TSPAN7: variants seen among roughly 807,000 people sequenced by gnomAD.
The protein encoded by TSPAN7 is tetraspanin 7.
A neutral mutation model predicts 17.6 loss-of-function variants in TSPAN7; 1 was observed. The ratio of observed to expected loss-of-function variants is 0.06; its 90% CI spans 0.02 to 0.27. TSPAN7 has a LOEUF of 0.27. Ranked by LOEUF, TSPAN7 falls within the 10% of genes least tolerant of loss-of-function variation. The probability of loss-of-function intolerance (pLI) is 1.00; values close to 1 mark genes in which losing one functional copy is unlikely to be tolerated. For synonymous variants in TSPAN7, 78 were observed against 79.0 expected, an observed-to-expected ratio of 0.99 and a Z score of 0.07; for missense variants, 112 against 201.7, an observed-to-expected ratio of 0.56 and a Z score of 2.69.
intron 1 of TSPAN7, among the ~76,000 whole-genome samples, chrX:38,657,889 A>G (rs2069713570): frequency 8.9e-6 from 1 of 112,169 alleles, no homozygotes; most frequent in African/African-American, 3.2e-5. Flanking sequence ...AGCCATTTTC[A>G]TATTTTCAAA....
Position 38,674,284 on chromosome X carries a change from A to G in TSPAN7, c.409A>G (p.Arg137Gly), listed in dbSNP as rs745763721. The change falls in exon 4 of 8, where the codon AGG becomes GGG. Residue 137 changes from arginine (R) to glycine (G), a missense_variant. Transcript: ENST00000378482. ...AMQTYNGNDE[R>G]SRAVDHVQRS... ...GCAGACTTACAATGGCAATGATGAG[A>G]GGAGCCGGGCAGTGGACCATGTGCA... is the stretch of plus-strand genomic sequence containing the variant. 1.7e-6 allele frequency: 2 copies of G among 1,198,707 alleles called. No individual in the cohort carries two copies. The highest frequency in any genetic ancestry group is 4.5e-5 in the Admixed American group (2 of 44,549).
chrX:38,658,616 C>T (rs1474454067), intron 1 of TSPAN7, among the ~76,000 whole-genome samples: 1 of 111,835 alleles, frequency 8.9e-6, no homozygotes, highest in Non-Finnish European at 1.9e-5. Flanking sequence ...GCATTGTCCT[C>T]TCATGTTCTA....
At chrX:38,636,839 C>A (rs1343055602) in intron 1 of TSPAN7, among the ~76,000 whole-genome samples, 2 of 110,974 alleles carry the variant, frequency 1.8e-5, no homozygotes, top group African/African-American at 6.6e-5. Context: ...CCACTCCCAG[C>A]TGATTTTTGT....
chrX:38,599,871 C>G (rs2069336648), intron 1 of TSPAN7, among the ~76,000 whole-genome samples: 1 of 111,857 alleles, frequency 8.9e-6, no homozygotes, highest in African/African-American at 3.2e-5. Flanking sequence ...ACATTTCTCC[C>G]AATAGCACTC....
intron 3 of TSPAN7, among the ~76,000 whole-genome samples, chrX:38,672,423 C>G (rs1456838224): frequency 5.5e-5 from 6 of 110,074 alleles, no homozygotes; most frequent in African/African-American, 2.0e-4. Context: ...ACTGTATGCT[C>G]TCTGCTCCCC....
chrX:38,662,759 T>C (rs1258675207), intron 1 of TSPAN7, among the ~76,000 whole-genome samples: 1 of 109,364 alleles, frequency 9.1e-6, no homozygotes, highest in East Asian at 2.9e-4. Flanking sequence ...TCATCAGGAG[T>C]GTTTGAGTAT....
intron 1 of TSPAN7, among the ~76,000 whole-genome samples, chrX:38,616,974 A>G (rs1219577628): frequency 8.9e-6 from 1 of 111,840 alleles, no homozygotes; most frequent in Non-Finnish European, 1.9e-5. Flanking sequence ...TATTCCACTA[A>G]AGCAGGGGTT....
intron 5 of TSPAN7, among the ~76,000 whole-genome samples, chrX:38,679,381 T>A (rs755941521): frequency 8.9e-6 from 1 of 112,188 alleles, no homozygotes; most frequent in Non-Finnish European, 1.9e-5. Flanking sequence ...GATATAGTAA[T>A]GATGGCCAGC....
At chrX:38,665,051 T>G (rs1242110272) in intron 1 of TSPAN7, among the ~76,000 whole-genome samples, 1 of 112,344 alleles carries the variant, frequency 8.9e-6, no homozygotes, top group Non-Finnish European at 1.9e-5. Context: ...GTGTATTGAT[T>G]GACAAGGGAA....
intron 1 of TSPAN7, among the ~76,000 whole-genome samples, chrX:38,626,866 A>T (rs2069525667): frequency 9.0e-6 from 1 of 111,207 alleles, no homozygotes. Flanking sequence ...GTCTTGGTTG[A>T]ACTTACATGT....
At chrX:38,603,104 G>A (rs2069355233) in intron 1 of TSPAN7, among the ~76,000 whole-genome samples, 1 of 111,777 alleles carries the variant, frequency 8.9e-6, no homozygotes, top group South Asian at 3.7e-4. Context: ...ATTAAAAAAT[G>A]GGCAAAGAAT....
intron 1 of TSPAN7, among the ~76,000 whole-genome samples, chrX:38,578,532 A>G (rs1349448697): frequency 9.0e-6 from 1 of 111,443 alleles, no homozygotes; most frequent in Non-Finnish European, 1.9e-5. Flanking sequence ...TAGCCCTGGT[A>G]TACAGAGGTG....
At chrX:38,587,017 G>A (rs2069262048) in intron 1 of TSPAN7, among the ~76,000 whole-genome samples, 1 of 112,544 alleles carries the variant, frequency 8.9e-6, no homozygotes, top group Non-Finnish European at 1.9e-5. Flanking sequence ...TCAACTGGGG[G>A]TGGTTTTCCC....
chrX:38,649,378 AC>A (rs1463524173), intron 1 of TSPAN7, among the ~76,000 whole-genome samples: 1 of 112,284 alleles, frequency 8.9e-6, no homozygotes, highest in Non-Finnish European at 1.9e-5. Context: ...TTTAAGAGAG[AC>A]CTACTTTGAA....
Position 38,614,243 on chromosome X carries a change from T to G in TSPAN7, c.82-51878T>G, listed in dbSNP as rs558846457. Among the ~76,000 whole-genome samples the G allele has an allele frequency of 2.7e-5, 3 of 112,186 alleles. No homozygotes were observed. In the South Asian group the frequency reaches 1.1e-3, roughly 42 times the overall value. ...ATTGAATCCAGTACATTTTTGACTA[T>G]CCAAAGCCCAAGGCTTCTGACCATT... On this transcript the variant is annotated intron_variant, in intron 1 of 7. Coordinates refer to ENST00000378482, the MANE Select transcript of TSPAN7 (RefSeq NM_004615.4).
At chrX:38,671,292 G>A (rs2069819839) in intron 2 of TSPAN7, 84 bp from the exon 3 acceptor site, 29 of 949,420 alleles carry the variant, frequency 3.1e-5, no homozygotes, top group Admixed American at 2.2e-5. Context: ...TCTAATTCCC[G>A]CTGATTGAAA....
At chrX:38,662,194 G>A (rs1410609411) in intron 1 of TSPAN7, among the ~76,000 whole-genome samples, 1 of 111,380 alleles carries the variant, frequency 9.0e-6, no homozygotes, top group Non-Finnish European at 1.9e-5. Flanking sequence ...AGTCACCTAA[G>A]GGTATGCCGC....
chrX:38,590,109 A>ATTTTTTTTGTGAC (rs2069282765), intron 1 of TSPAN7, among the ~76,000 whole-genome samples: 1 of 111,392 alleles, frequency 9.0e-6, no homozygotes, highest in Non-Finnish European at 1.9e-5. Context: ...TTTGCTAAAA[A>ATTTTTTTTGTGAC]TTTTTTTTGT....
chrX:38,647,376 C>CA (rs1455249461), intron 1 of TSPAN7, among the ~76,000 whole-genome samples: 1 of 112,140 alleles, frequency 8.9e-6, no homozygotes, highest in Non-Finnish European at 1.9e-5. Flanking sequence ...CTCGGCCTCC[C>CA]AAAGTCCTGG....
Sources: gnomAD v4.1 joint callset for allele counts (sites outside exome capture counted in the v4.1 genomes callset) on GRCh38, gnomAD v4.1.1 for gene constraint, MANE v1.5 for transcripts, NCBI Gene and HGNC (gene_info 2026-07-23, HGNC 2026-07-21) for gene names.